DSE: variants seen among roughly 807,000 people sequenced by gnomAD.
DSE encodes dermatan-sulfate epimerase.
In DSE, 36 loss-of-function variants were observed where a neutral mutation model predicts 84.4. The observed-to-expected ratio is 0.43, with a 90% CI of 0.33 to 0.56. The LOEUF (loss-of-function observed/expected upper bound fraction) is 0.56. Ranked by LOEUF, DSE falls within the 20% of genes least tolerant of loss-of-function variation. The pLI, the probability that DSE is intolerant of heterozygous loss-of-function variation, is 0.06. For synonymous variants in DSE, 410 were observed against 430.1 expected (o/e 0.95, Z 0.58); for missense variants, 862 against 1,169.6 (o/e 0.74, Z 3.84).
At chr6:116,360,582 A>ACT (rs66804421) in intron 2 of DSE, among the ~76,000 whole-genome samples, 10,334 of 152,160 alleles carry the variant, frequency 0.068, 1,096 homozygotes, top group African/African-American at 0.23. Flanking sequence ...TTTAGTGTTA[A>ACT]CTCTCAGTCC....
intron 2 of DSE, among the ~76,000 whole-genome samples, chr6:116,296,931 T>G (rs1030644396): frequency 1.3e-5 from 2 of 152,028 alleles, no homozygotes; most frequent in South Asian, 4.1e-4. Flanking sequence ...TCATTTGCGC[T>G]GTTTTGTGGG....
intron 1 of DSE, among the ~76,000 whole-genome samples, chr6:116,373,244 T>TC (rs1301669663): frequency 6.6e-6 from 1 of 152,152 alleles, no homozygotes; most frequent in Non-Finnish European, 1.5e-5. Context: ...GCGCCTGTAG[T>TC]CCCAGCTACT....
At chr6:116,394,218 G>A (rs1781095639) in intron 1 of DSE, among the ~76,000 whole-genome samples, 1 of 152,196 alleles carries the variant, frequency 6.6e-6, no homozygotes. Flanking sequence ...AAGTTTTTCT[G>A]TGTGACTGCT....
In DSE at chr6:116,371,055, G is replaced by C. The variant is rs1000850273; in HGVS notation, c.-120G>C. 6 of 985,962 alleles carry C rather than the reference G, an allele frequency of 6.1e-6. No homozygotes were observed. Among genetic ancestry groups the C allele is most frequent in the Non-Finnish European group, 7.2e-6 (6 of 830,510 alleles). The allele number at this position is 985,962 out of a possible 1,614,324, so 61.1% of individuals were successfully genotyped here. ...GAGCCCGGGCGCCCTGGAGTGAGGAGGACCGGGAGCTGGCTCTGGAGGCTG... is the reference window on the plus strand; with the variant it reads ...GAGCCCGGGCGCCCTGGAGTGAGGACGACCGGGAGCTGGCTCTGGAGGCTG... On this transcript the variant is annotated 5_prime_UTR_variant, in exon 1 of 6. Coordinates refer to ENST00000644252, the MANE Select transcript of DSE (RefSeq NM_013352.4).
intron 2 of DSE, among the ~76,000 whole-genome samples, chr6:116,306,001 G>C (rs1028215177): frequency 6.6e-6 from 1 of 152,092 alleles, no homozygotes; most frequent in Non-Finnish European, 1.5e-5. Context: ...AGGGATTAAT[G>C]TGTGAACCCA....
At chr6:116,406,391 A>G (rs1007482295) in intron 2 of DSE, among the ~76,000 whole-genome samples, 1 of 152,234 alleles carries the variant, frequency 6.6e-6, no homozygotes, top group Non-Finnish European at 1.5e-5. Context: ...TAACATAAAA[A>G]TCTGGCAAGC....
chr6:116,338,618 G>A (rs1233699980), intron 2 of DSE, among the ~76,000 whole-genome samples: 1 of 152,112 alleles, frequency 6.6e-6, no homozygotes, highest in African/African-American at 2.4e-5. Flanking sequence ...GATTACCTTT[G>A]GCTTAGGCGC....
At chr6:116,396,104 C>T (rs2114986343) in intron 1 of DSE, among the ~76,000 whole-genome samples, 1 of 152,254 alleles carries the variant, frequency 6.6e-6, no homozygotes, top group South Asian at 2.1e-4. Flanking sequence ...TTTCTCCATG[C>T]TTATTTTATT....
At chr6:116,264,887 GA>G (rs1225736020) in intron 2 of DSE, among the ~76,000 whole-genome samples, 2 of 152,134 alleles carry the variant, frequency 1.3e-5, no homozygotes, top group Non-Finnish European at 2.9e-5. Context: ...AATTCTGGGG[GA>G]ACTTATATTA....
At chr6:116,373,163 G>T (rs1382443203) in intron 1 of DSE, among the ~76,000 whole-genome samples, 1 of 151,914 alleles carries the variant, frequency 6.6e-6, no homozygotes, top group Non-Finnish European at 1.5e-5. Flanking sequence ...GACCAGCCTG[G>T]CCAATATGGT....
Position 116,425,058 on chromosome 6 carries a change from C to T in DSE, c.417-1516C>T, listed in dbSNP as rs575024897. Among the ~76,000 whole-genome samples, 145 of 152,254 alleles carry T rather than the reference C, an allele frequency of 9.5e-4. 3 individuals are homozygous for T. In the South Asian group the frequency reaches 0.029, roughly 31 times the overall value. ...GTAGGTATCACAGATATTTTCATTA[C>T]CACATTACAGTTGTTATAGACATCT... On this transcript the variant is annotated intron_variant, in intron 2 of 5. Transcript: ENST00000644252.
chr6:116,421,451 ATATATATATATATTTTTTTTTTTT>A (rs1466680550), intron 2 of DSE, among the ~76,000 whole-genome samples: 5 of 70,152 alleles, frequency 7.1e-5, no homozygotes, highest in African/African-American at 4.0e-4. Flanking sequence ...ACATATATAT[ATATATATATATATTTTTTTTTTTT>A]TTTTTTTTTT....
At chr6:116,411,178 G>A (rs773764074) in intron 2 of DSE, among the ~76,000 whole-genome samples, 56 of 152,020 alleles carry the variant, frequency 3.7e-4, no homozygotes, top group East Asian at 1.5e-3. Flanking sequence ...TGTGTTGTGC[G>A]TGTGTGTGTC....
At chr6:116,341,748 G>C (rs1309548675) in intron 2 of DSE, among the ~76,000 whole-genome samples, 1 of 152,180 alleles carries the variant, frequency 6.6e-6, no homozygotes, top group Non-Finnish European at 1.5e-5. Flanking sequence ...ATGAAACAGG[G>C]AATCCTTTCC....
chr6:116,431,464 T>A (rs1783838130), intron 4 of DSE, among the ~76,000 whole-genome samples: 1 of 152,174 alleles, frequency 6.6e-6, no homozygotes, highest in African/African-American at 2.4e-5. Context: ...TACTTTTTTT[T>A]TATATATCCA....
intron 1 of DSE, among the ~76,000 whole-genome samples, chr6:116,397,001 T>C (rs1405554202): frequency 6.6e-6 from 1 of 152,066 alleles, no homozygotes; most frequent in East Asian, 1.9e-4. Context: ...CCACCTGAGC[T>C]CCCACACATT....
At chr6:116,314,171 T>C (rs932570485) in intron 2 of DSE, among the ~76,000 whole-genome samples, 1 of 152,196 alleles carries the variant, frequency 6.6e-6, no homozygotes, top group Non-Finnish European at 1.5e-5. Context: ...GCTTTCACAA[T>C]AAGGATAAGA....
chr6:116,417,776 A>G (rs554846424), intron 2 of DSE, among the ~76,000 whole-genome samples: 2 of 152,338 alleles, frequency 1.3e-5, no homozygotes, highest in Non-Finnish European at 2.9e-5. Flanking sequence ...GTTTCCAGAA[A>G]GGGCAAGTAG....
chr6:116,385,086 A>G (rs1328038069), intron 1 of DSE, among the ~76,000 whole-genome samples: 1 of 152,158 alleles, frequency 6.6e-6, no homozygotes, highest in African/African-American at 2.4e-5. Flanking sequence ...GGGCAGAGGG[A>G]ACAAATGTGC....
Sources: allele counts gnomAD v4.1 joint callset (sites outside exome capture counted in the v4.1 genomes callset), GRCh38; gene constraint gnomAD v4.1.1; transcripts MANE v1.5; gene names NCBI Gene and HGNC (gene_info 2026-07-23, HGNC 2026-07-21).